The following FNBP1 variants were observed in gnomAD, a reference collection of about 807,000 sequenced individuals.
FNBP1 encodes formin binding protein 1.
Under a neutral mutation model 90.6 loss-of-function variants are expected in FNBP1, and 26 were observed. The ratio of observed to expected loss-of-function variants is 0.29; its 90% confidence interval spans 0.21 to 0.40. The LOEUF is 0.40. Ranked by LOEUF, FNBP1 falls within the 10% of genes least tolerant of loss-of-function variation. The probability of loss-of-function intolerance (pLI) is 1.00; values close to 1 mark genes in which losing one functional copy is unlikely to be tolerated. For missense variants in FNBP1, 635 were observed against 768.0 expected, an observed-to-expected ratio of 0.83 and a Z score of 2.05; for synonymous variants, 260 against 265.2, an observed-to-expected ratio of 0.98 and a Z score of 0.19.
At chr9:129,989,402 G>GT (rs1276402274) in intron 2 of FNBP1, among the ~76,000 whole-genome samples, 1 of 152,112 alleles carries the variant, frequency 6.6e-6, no homozygotes, top group Non-Finnish European at 1.5e-5. Context: ...TCACAGGCCG[G>GT]TGCAAACACA....
At chr9:129,984,132 T>C (rs2051749525) in intron 2 of FNBP1, among the ~76,000 whole-genome samples, 1 of 152,100 alleles carries the variant, frequency 6.6e-6, no homozygotes, top group African/African-American at 2.4e-5. Flanking sequence ...TTTGTGTTTT[T>C]TTCACTCTTA....
At chr9:129,954,487 A>G (rs2046624721) in intron 6 of FNBP1, among the ~76,000 whole-genome samples, 1 of 152,184 alleles carries the variant, frequency 6.6e-6, no homozygotes, top group Non-Finnish European at 1.5e-5. Context: ...AAATTCAGCT[A>G]CACATAAAAA....
chr9:130,052,455 C>CAA, the FNBP1 span, among the ~76,000 whole-genome samples: 1 of 151,830 alleles, frequency 6.6e-6, no homozygotes, highest in Non-Finnish European at 1.5e-5. Context: ...TTTATTGAGA[C>CAA]AGAGTCTCAC....
chr9:129,952,652 T>C (rs1564417100), intron 6 of FNBP1, among the ~76,000 whole-genome samples: 2 of 152,152 alleles, frequency 1.3e-5, no homozygotes, highest in East Asian at 1.9e-4. Flanking sequence ...TCAGGTAAAA[T>C]AGACTTTAGG....
At chr9:129,926,608 C>T (rs984580401) in intron 8 of FNBP1, among the ~76,000 whole-genome samples, 1 of 151,992 alleles carries the variant, frequency 6.6e-6, no homozygotes, top group Non-Finnish European at 1.5e-5. Flanking sequence ...CTGTTTTGGC[C>T]GGGTGCAGTG....
At chr9:130,053,724 A>T in the FNBP1 span, 1 of 582,534 alleles carries the variant, frequency 1.7e-6, no homozygotes, top group East Asian at 3.0e-5. Context: ...TCTCTAACTG[A>T]AAGTCTGCAC....
chr9:130,023,672 C>T (rs972696419), intron 1 of FNBP1, among the ~76,000 whole-genome samples: 1 of 151,710 alleles, frequency 6.6e-6, no homozygotes, highest in Non-Finnish European at 1.5e-5. Context: ...CTGAGCCCCA[C>T]TCACTCCATG....
At chr9:129,916,574 G>A (rs372455621) in intron 10 of FNBP1, among the ~76,000 whole-genome samples, 8 of 149,464 alleles carry the variant, frequency 5.4e-5, no homozygotes, top group South Asian at 2.1e-4. Context: ...CTGAGGTCGC[G>A]CATTGCACTC....
At chr9:130,029,181 G>C (rs1456112874) in intron 1 of FNBP1, among the ~76,000 whole-genome samples, 1 of 151,746 alleles carries the variant, frequency 6.6e-6, no homozygotes, top group Non-Finnish European at 1.5e-5. Flanking sequence ...TCTGAAACAG[G>C]GTCTTGCTCT....
chr9:130,046,518 G>A (rs2060060531), upstream of FNBP1, among the ~76,000 whole-genome samples: 1 of 144,424 alleles, frequency 6.9e-6, no homozygotes, highest in Non-Finnish European at 1.5e-5. Flanking sequence ...CAGATCATCC[G>A]AGGTCAGGAG....
At chr9:129,914,879 C>T (rs1423175486) in intron 11 of FNBP1, 2 of 461,662 alleles carry the variant, frequency 4.3e-6, no homozygotes, top group Non-Finnish European at 9.0e-6. Context: ...CAGTTGATCA[C>T]TGTCCATTAT....
chr9:130,045,322 G>A (rs2060054809), upstream of FNBP1, among the ~76,000 whole-genome samples: 3 of 152,128 alleles, frequency 2.0e-5, no homozygotes, highest in African/African-American at 4.8e-5. Context: ...ATTTGGAAAC[G>A]GTACATGCAA....
chr9:130,038,237 C>G (rs566189336), intron 1 of FNBP1, among the ~76,000 whole-genome samples: 75 of 151,464 alleles, frequency 5.0e-4, no homozygotes, highest in African/African-American at 1.8e-3. Flanking sequence ...CGCCTGTAGT[C>G]CCAGCTACTC....
chr9:129,994,035 G>C (rs991533623), intron 2 of FNBP1, among the ~76,000 whole-genome samples: 3 of 152,178 alleles, frequency 2.0e-5, no homozygotes, highest in Non-Finnish European at 4.4e-5. Context: ...CCAAAGCTAA[G>C]CATATGAGTA....
chr9:130,045,395 A>G (rs976821306), upstream of FNBP1, among the ~76,000 whole-genome samples: 1 of 152,220 alleles, frequency 6.6e-6, no homozygotes, highest in African/African-American at 2.4e-5. Flanking sequence ...TTGACTTTTT[A>G]GTCAAATACA....
chr9:129,987,105 C>T (rs1330698522), intron 2 of FNBP1, among the ~76,000 whole-genome samples: 1 of 152,028 alleles, frequency 6.6e-6, no homozygotes, highest in African/African-American at 2.4e-5. Context: ...ATCTGGCTGG[C>T]CCCAGACTTT....
chr9:130,010,002 G>T (rs981471646), intron 1 of FNBP1, among the ~76,000 whole-genome samples: 2 of 147,152 alleles, frequency 1.4e-5, no homozygotes, highest in Non-Finnish European at 3.0e-5. Flanking sequence ...AAAAAAAATC[G>T]CTAAGAGGCA....
intron 16 of FNBP1, among the ~76,000 whole-genome samples, chr9:129,892,399 A>ACG (rs2035197108): frequency 6.8e-6 from 1 of 146,706 alleles, no homozygotes; most frequent in Admixed American, 7.1e-5. Context: ...ACACACACAC[A>ACG]CACACACACA....
chr9:129,931,584 C>A (rs113365753), intron 6 of FNBP1, among the ~76,000 whole-genome samples: 3 of 150,396 alleles, frequency 2.0e-5, no homozygotes, highest in Non-Finnish European at 4.4e-5. Flanking sequence ...CCAGCCTGGG[C>A]GACAGAGCAA....
Sources: allele counts gnomAD v4.1 joint callset (sites outside exome capture counted in the v4.1 genomes callset), GRCh38; gene constraint gnomAD v4.1.1; transcripts MANE v1.5; gene names NCBI Gene and HGNC (gene_info 2026-07-23, HGNC 2026-07-21).